The following CACNA1E variants were observed in gnomAD, a reference collection of about 807,000 sequenced individuals.
The protein encoded by CACNA1E is calcium voltage-gated channel subunit alpha1 E.
A neutral mutation model predicts 259.2 loss-of-function variants in CACNA1E; 40 were observed. The ratio of observed to expected loss-of-function variants is 0.15; its 90% confidence interval spans 0.12 to 0.20. The LOEUF is 0.20. Ranked by LOEUF, CACNA1E falls within the 10% of genes least tolerant of loss-of-function variation. The pLI, the probability that CACNA1E is intolerant of heterozygous loss-of-function variation, is 1.00. For missense variants in CACNA1E, 1,874 were observed against 3,040.1 expected (o/e 0.62, Z 9.02); for synonymous variants, 1,104 against 1,138.5 (o/e 0.97, Z 0.61).
At chr1:181,497,332 A>G (rs1046376320) in intron 1 of CACNA1E, among the ~76,000 whole-genome samples, 1 of 152,230 alleles carries the variant, frequency 6.6e-6, no homozygotes, top group Non-Finnish European at 1.5e-5. Flanking sequence ...ACAGCTTTCT[A>G]TACTTCCACT....
At chr1:181,417,039 G>A (rs1424854971) in intron 2 of CACNA1E, among the ~76,000 whole-genome samples, 1 of 151,864 alleles carries the variant, frequency 6.6e-6, no homozygotes, top group African/African-American at 2.4e-5. Context: ...TGGTCTGCCT[G>A]GACATTGTCG....
At position 181,732,899 on chromosome 1, in the gene CACNA1E, G is replaced by A. The variant is rs762485881; in HGVS notation, c.2813G>A (p.Arg938Gln). The A allele has an allele frequency of 2.0e-5, 33 of 1,613,854 alleles. No individual in the cohort carries two copies. The South Asian group carries it at 2.2e-4, about 11-fold the overall frequency. The change falls in exon 20 of 48, where the codon CGG (arginine) becomes CAG (glutamine). Residue 938 changes from arginine (R) to glutamine (Q), a missense_variant. Transcript: ENST00000367573. This position sits in a 1 kb window ranked among gnomAD's most constrained non-coding sequence, Gnocchi z 5.5. Reference protein sequence around the residue: ...TEGKESSSASRSRSASQERSL... With the variant: ...TEGKESSSASQSRSASQERSL... ...GGCAAGGAGTCCTCTTCAGCCTCCC[G>A]GAGCAGGTCTGCCAGCCAGGAACGC...
intron 3 of CACNA1E, among the ~76,000 whole-genome samples, chr1:181,573,194 A>G (rs1172533367): frequency 6.6e-6 from 1 of 152,164 alleles, no homozygotes; most frequent in Non-Finnish European, 1.5e-5. Flanking sequence ...ATGACATACC[A>G]CTTGAAAATG....
chr1:181,791,287 C>T (rs191484620), intron 44 of CACNA1E, among the ~76,000 whole-genome samples: 14 of 152,226 alleles, frequency 9.2e-5, no homozygotes, highest in South Asian at 2.1e-4. Flanking sequence ...CTGGGTAACA[C>T]GGTGAAACCC....
At chr1:181,735,644 G>A (rs1655966433) in intron 21 of CACNA1E, among the ~76,000 whole-genome samples, 1 of 152,200 alleles carries the variant, frequency 6.6e-6, no homozygotes, top group African/African-American at 2.4e-5. Context: ...ATACTCACAT[G>A]AATATTGCAT....
At chr1:181,364,497 C>A (rs879425451) in intron 1 of CACNA1E, among the ~76,000 whole-genome samples, 1 of 151,984 alleles carries the variant, frequency 6.6e-6, no homozygotes, top group African/African-American at 2.4e-5. Context: ...GGAGGCTATC[C>A]CAGAAGGAGC....
chr1:181,426,388 ACCGCT>A, intron 2 of CACNA1E, among the ~76,000 whole-genome samples: 1 of 124,030 alleles, frequency 8.1e-6, no homozygotes, highest in East Asian at 2.0e-4. Context: ...TCCCATCTCA[ACCGCT>A]TCCCATCTCA....
intron 7 of CACNA1E, among the ~76,000 whole-genome samples, chr1:181,693,094 A>G (rs1651340130): frequency 6.7e-6 from 1 of 149,486 alleles, no homozygotes; most frequent in Non-Finnish European, 1.5e-5. Context: ...GCAATGAGAT[A>G]CCATCTCACA....
At chr1:181,445,841 C>G (rs1339683175) in intron 2 of CACNA1E, among the ~76,000 whole-genome samples, 1 of 152,330 alleles carries the variant, frequency 6.6e-6, no homozygotes, top group South Asian at 2.1e-4. Context: ...GGGAGAGCAT[C>G]TTTTCACCTT....
chr1:181,605,819 G>A lies in CACNA1E; in HGVS notation c.951+25043G>A, dbSNP rs114575963. 3.1e-3 allele frequency among the ~76,000 whole-genome samples: 475 copies of A among 152,230 alleles called. 1 individual carries two copies. The highest frequency in any genetic ancestry group is 1.0e-2 in the African/African-American group (414 of 41,526). On this transcript the variant is annotated intron_variant, in intron 6 of 47. Transcript: ENST00000367573. ...AGCTTCTCAGCATATAGAGATTTCC[G>A]GCTTTACATGGTAGGTATTTGTCCA...
intron 25 of CACNA1E, among the ~76,000 whole-genome samples, chr1:181,740,434 A>G (rs2102599441): frequency 6.6e-6 from 1 of 152,038 alleles, no homozygotes; most frequent in South Asian, 2.1e-4. Context: ...CTCTTCAAGC[A>G]CTGTCAGCTG....
At chr1:181,375,158 A>G (rs1655012433) in intron 1 of CACNA1E, among the ~76,000 whole-genome samples, 1 of 152,230 alleles carries the variant, frequency 6.6e-6, no homozygotes, top group Non-Finnish European at 1.5e-5. Flanking sequence ...ACATTTTTAG[A>G]AGGTGAAAGA....
chr1:181,697,910 G>A (rs896436085), intron 7 of CACNA1E, among the ~76,000 whole-genome samples: 6 of 152,190 alleles, frequency 3.9e-5, no homozygotes, highest in Non-Finnish European at 8.8e-5. Flanking sequence ...ACTTTGCTAA[G>A]GCAAGGGACT....
At chr1:181,715,467 G>A (rs959798575) in intron 9 of CACNA1E, 76 bp downstream of exon 9, 3 of 816,114 alleles carry the variant, frequency 3.7e-6, no homozygotes, top group South Asian at 1.5e-5. Context: ...TTATTCAAAA[G>A]GAGAGAAAGA....
chr1:181,755,191 G>A, intron 27 of CACNA1E, 46 bp from the exon 28 acceptor site: 1 of 1,562,802 alleles, frequency 6.4e-7, no homozygotes, highest in Non-Finnish European at 8.7e-7. Flanking sequence ...CAAGTATGCA[G>A]ACCATCACAG....
chr1:181,771,059 T>C lies in CACNA1E; in HGVS notation c.4882-234T>C, dbSNP rs190105811. On this transcript the variant is annotated intron_variant, in intron 35 of 47. Coordinates refer to ENST00000367573, the MANE Select transcript of CACNA1E (RefSeq NM_001205293.3). Reference sequence around the variant, plus strand: ...CTTCAAAAGAGCTTGCGTTCTACGTTATGCTTGGACCTTGCTGCATGGGTC... The same window carrying C: ...CTTCAAAAGAGCTTGCGTTCTACGTCATGCTTGGACCTTGCTGCATGGGTC... Among the ~76,000 whole-genome samples, 344 of 152,314 alleles carry C rather than the reference T, an allele frequency of 2.3e-3. 1 individual carries two copies. Among genetic ancestry groups the C allele is most frequent in the Non-Finnish European group, 3.7e-3 (255 of 68,026 alleles).
intron 1 of CACNA1E, among the ~76,000 whole-genome samples, chr1:181,384,909 G>T (rs536810978): frequency 3.3e-5 from 5 of 151,926 alleles, no homozygotes; most frequent in East Asian, 3.9e-4. Context: ...TAAAATAAAA[G>T]AAATCTTTCC....
intron 1 of CACNA1E, among the ~76,000 whole-genome samples, chr1:181,484,820 C>T (rs900663230): frequency 6.6e-6 from 1 of 152,186 alleles, no homozygotes; most frequent in Non-Finnish European, 1.5e-5. Flanking sequence ...TGAATTCATC[C>T]GCTGAGGCCA....
chr1:181,691,897 C>G (rs1558271435), intron 7 of CACNA1E, among the ~76,000 whole-genome samples: 1 of 152,020 alleles, frequency 6.6e-6, no homozygotes, highest in Non-Finnish European at 1.5e-5. Context: ...CTAACAATAA[C>G]AATTCTACAT....
Sources: gnomAD v4.1 joint callset for allele counts (sites outside exome capture counted in the v4.1 genomes callset) on GRCh38, gnomAD v4.1.1 for gene constraint, Gnocchi (gnomAD v3.1) non-coding constraint, MANE v1.5 for transcripts, NCBI Gene and HGNC (gene_info 2026-07-23, HGNC 2026-07-21) for gene names.